The following NCKAP5 variants were observed in gnomAD, a reference collection of about 807,000 sequenced individuals.
NCKAP5 encodes NCK associated protein 5.
NCKAP5 carries 92 observed loss-of-function variants against 167.0 expected under a neutral mutation model. The observed-to-expected ratio is 0.55, with a 90% CI of 0.47 to 0.66. The LOEUF (loss-of-function observed/expected upper bound fraction) is 0.66, where lower values mean the gene tolerates loss of function less well. Among genes scored for constraint, NCKAP5 ranks in the 30% least tolerant of loss-of-function variants. The probability of loss-of-function intolerance (pLI) is 0.00; values close to 1 mark genes in which losing one functional copy is unlikely to be tolerated. For missense variants in NCKAP5, 2,378 were observed against 2,315.0 expected (o/e 1.03, Z -0.56); for synonymous variants, 891 against 877.4 (o/e 1.02, Z -0.27).
intron 3 of NCKAP5, among the ~76,000 whole-genome samples, chr2:133,343,822 T>G (rs1002197301): frequency 6.6e-6 from 1 of 152,146 alleles, no homozygotes; most frequent in Non-Finnish European, 1.5e-5. Context: ...TGAACAAGCT[T>G]GGGAGTCGGA....
intron 16 of NCKAP5, among the ~76,000 whole-genome samples, chr2:132,760,644 T>A (rs948998055): frequency 1.3e-5 from 2 of 150,048 alleles, no homozygotes; most frequent in African/African-American, 4.8e-5. Context: ...CTATTGTGAG[T>A]TAATTTTACC....
rs1452152638 is a variant in NCKAP5, at chr2:132,725,661, TC to T, written c.5678del (p.Gly1893AspfsTer3). 5 of 1,612,328 alleles carry T rather than the reference TC, an allele frequency of 3.1e-6. No homozygotes were observed. Among genetic ancestry groups the T allele is most frequent in the Non-Finnish European group, 4.2e-6 (5 of 1,179,282 alleles). Reference protein sequence around the residue: ...YGDNGFGAGRGQLVKALKSAA... With the variant: ...YGDNGFGAGRXQLVKALKSAA... Reference sequence around the variant, plus strand: ...CGCTCTTCAGTGCTTTCACTAACTGTCCCCTTCCAGCTCCAAAACCATTATC... The same window carrying T: ...CGCTCTTCAGTGCTTTCACTAACTGTCCCTTCCAGCTCCAAAACCATTATC... On this transcript the variant is annotated frameshift_variant, in exon 19 of 20. Coordinates refer to ENST00000409261, the MANE Select transcript of NCKAP5 (RefSeq NM_207363.3). LOFTEE classifies it high-confidence loss of function.
upstream of NCKAP5, among the ~76,000 whole-genome samples, chr2:133,569,926 C>T (rs1688797106): frequency 6.6e-6 from 1 of 152,070 alleles, no homozygotes; most frequent in Non-Finnish European, 1.5e-5. Context: ...ACCCTTAGAC[C>T]CAGCAATTCC....
the NCKAP5 span, among the ~76,000 whole-genome samples, chr2:133,595,919 A>G: frequency 6.6e-6 from 1 of 152,244 alleles, no homozygotes; most frequent in Non-Finnish European, 1.5e-5. Context: ...TTAAAAATGT[A>G]CAAACCCACA....
At chr2:133,588,153 T>C in the NCKAP5 span, among the ~76,000 whole-genome samples, 1 of 152,176 alleles carries the variant, frequency 6.6e-6, no homozygotes, top group Non-Finnish European at 1.5e-5. Context: ...GTTAAATGTA[T>C]TTCTTGTTGG....
At chr2:133,551,344 T>C (rs1270548996) in intron 2 of NCKAP5, among the ~76,000 whole-genome samples, 2 of 145,690 alleles carry the variant, frequency 1.4e-5, no homozygotes, top group African/African-American at 5.1e-5. Context: ...CTTCAAACTA[T>C]ACTACAAGGC....
intron 6 of NCKAP5, among the ~76,000 whole-genome samples, chr2:133,052,456 G>A (rs938539380): frequency 7.2e-5 from 11 of 152,126 alleles, no homozygotes; most frequent in Admixed American, 5.2e-4. Flanking sequence ...GGTGGCTCAC[G>A]CCTGTAATTC....
intron 12 of NCKAP5, among the ~76,000 whole-genome samples, chr2:132,792,907 T>G (rs11903798): frequency 0.043 from 6,578 of 152,136 alleles, 502 homozygotes; most frequent in African/African-American, 0.15. Context: ...AGATGTTGGG[T>G]TAAGATGACA....
At chr2:132,844,516 TGA>T (rs143912493) in intron 11 of NCKAP5, among the ~76,000 whole-genome samples, 3,335 of 152,272 alleles carry the variant, frequency 0.022, 54 homozygotes, top group South Asian at 0.06. Flanking sequence ...CTTTTCTGTG[TGA>T]GTGTGTATTT....
At chr2:133,428,327 T>C (rs1158555640) in intron 3 of NCKAP5, among the ~76,000 whole-genome samples, 1 of 152,132 alleles carries the variant, frequency 6.6e-6, no homozygotes, top group East Asian at 1.9e-4. Flanking sequence ...ATAATATTAA[T>C]AAAATTTTGA....
At chr2:133,381,970 A>T (rs1252051590) in intron 3 of NCKAP5, among the ~76,000 whole-genome samples, 1 of 152,228 alleles carries the variant, frequency 6.6e-6, no homozygotes, top group Non-Finnish European at 1.5e-5. Context: ...GTTACTTCTG[A>T]GAGACTTGTG....
chr2:133,413,366 A>G lies in NCKAP5; in HGVS notation c.69+104092T>C, dbSNP rs534513402. Among the ~76,000 whole-genome samples, 101 of 152,368 alleles carry G rather than the reference A, an allele frequency of 6.6e-4. 1 individual carries two copies. Among genetic ancestry groups the G allele is most frequent in the African/African-American group, 2.3e-3 (94 of 41,584 alleles). Reference sequence around the variant, plus strand: ...ATTGTAATGCACACAGATTGCAAACAGAAGTAGTGAGCTAGGCTAATGCTA... The same window carrying G: ...ATTGTAATGCACACAGATTGCAAACGGAAGTAGTGAGCTAGGCTAATGCTA... On this transcript the variant is annotated intron_variant, in intron 3 of 19. Transcript: ENST00000409261.
intron 8 of NCKAP5, among the ~76,000 whole-genome samples, chr2:132,932,344 G>A (rs565762037): frequency 1.3e-5 from 2 of 152,204 alleles, no homozygotes; most frequent in East Asian, 1.9e-4. Context: ...GTGTGTGGGT[G>A]TGTGTATCTT....
chr2:132,952,770 A>G (rs151121979), intron 8 of NCKAP5, among the ~76,000 whole-genome samples: 4 of 152,268 alleles, frequency 2.6e-5, no homozygotes, highest in African/African-American at 7.2e-5. Context: ...GAATGCACGT[A>G]TTTTTCTACA....
At chr2:132,739,749 T>C (rs58369490) in intron 16 of NCKAP5, among the ~76,000 whole-genome samples, 54 of 152,330 alleles carry the variant, frequency 3.5e-4, no homozygotes, top group African/African-American at 1.3e-3. Context: ...ATCATTTCCC[T>C]GGGAGTCAGT....
the NCKAP5 span, among the ~76,000 whole-genome samples, chr2:133,593,207 T>C: frequency 7.9e-5 from 12 of 152,222 alleles, no homozygotes; most frequent in Non-Finnish European, 1.3e-4. Context: ...CATTTATCCA[T>C]AGATAGATGA....
At chr2:133,161,080 T>C (rs1274659833) in intron 5 of NCKAP5, among the ~76,000 whole-genome samples, 1 of 152,168 alleles carries the variant, frequency 6.6e-6, no homozygotes, top group Non-Finnish European at 1.5e-5. Flanking sequence ...TAGATTATCA[T>C]AGGAGTGCAA....
the NCKAP5 span, among the ~76,000 whole-genome samples, chr2:133,598,027 A>G: frequency 6.6e-6 from 1 of 152,178 alleles, no homozygotes; most frequent in African/African-American, 2.4e-5. Context: ...TAGTGTGACT[A>G]AGAGCACAAA....
chr2:133,065,773 C>T lies in NCKAP5; in HGVS notation c.341+64205G>A, dbSNP rs899110040. Among the ~76,000 whole-genome samples, 5 of 152,288 alleles carry T rather than the reference C, an allele frequency of 3.3e-5. 1 individual carries two copies. In the South Asian group the frequency reaches 8.3e-4, roughly 25 times the overall value. On this transcript the variant is annotated intron_variant, in intron 6 of 19. Transcript: ENST00000409261. ...TATATGGTCCCAATGACTATGGCCA[C>T]GTCACTGAGAGATCAGCCTCCTCAA... is the stretch of plus-strand genomic sequence containing the variant.
Sources: allele counts gnomAD v4.1 joint callset (sites outside exome capture counted in the v4.1 genomes callset), GRCh38; gene constraint gnomAD v4.1.1; transcripts MANE v1.5; gene names NCBI Gene and HGNC (gene_info 2026-07-23, HGNC 2026-07-21).